SV2C: variants seen among roughly 807,000 people sequenced by gnomAD.
SV2C encodes synaptic vesicle glycoprotein 2C, also known as solute carrier family 22 member B3.
A neutral mutation model predicts 79.7 loss-of-function variants in SV2C; 49 were observed. That is an observed-to-expected ratio of 0.61 (90% CI 0.49 to 0.78). SV2C has a LOEUF of 0.78. Ranked by LOEUF, SV2C falls within the 30% of genes least tolerant of loss-of-function variation. The probability of loss-of-function intolerance (pLI) is 0.00; values close to 1 mark genes in which losing one functional copy is unlikely to be tolerated. For missense variants in SV2C, 833 were observed against 912.9 expected (o/e 0.91, Z 1.13); for synonymous variants, 334 against 333.2 (o/e 1.00, Z -0.03).
chr5:75,910,871 G>A, the SV2C span: 1 of 1,071,934 alleles, frequency 9.3e-7, no homozygotes, highest in East Asian at 2.4e-5. Flanking sequence ...CAATCTCTAT[G>A]AGATGATGAG....
intron 4 of SV2C, among the ~76,000 whole-genome samples, chr5:76,283,693 A>G (rs6453213): frequency 0.13 from 19,292 of 152,216 alleles, 1,502 homozygotes; most frequent in African/African-American, 0.22. Flanking sequence ...GGTAATATAC[A>G]CTATCTTCAT....
At chr5:76,079,609 A>C (rs563802646), upstream of SV2C, 15 of 341,826 alleles carry the variant, frequency 4.4e-5, no homozygotes, top group South Asian at 4.8e-4. Flanking sequence ...AATATTTTAC[A>C]CAGGCAAACT....
the SV2C span, among the ~76,000 whole-genome samples, chr5:75,874,667 G>A: frequency 6.6e-5 from 10 of 151,672 alleles, no homozygotes; most frequent in East Asian, 1.9e-4. Flanking sequence ...CCATAGTCTC[G>A]GCCCAAAAAA....
intron 4 of SV2C, among the ~76,000 whole-genome samples, chr5:76,248,678 G>A (rs1377965401): frequency 6.6e-6 from 1 of 151,608 alleles, no homozygotes; most frequent in East Asian, 1.9e-4. Context: ...GAGTGCAGTG[G>A]TGCGATCTTG....
At chr5:75,913,498 G>T in the SV2C span, among the ~76,000 whole-genome samples, 1 of 152,204 alleles carries the variant, frequency 6.6e-6, no homozygotes, top group African/African-American at 2.4e-5. Flanking sequence ...AAGGGTTAGG[G>T]ATTAGGTAGA....
chr5:75,870,766 A>G, the SV2C span, among the ~76,000 whole-genome samples: 4 of 151,584 alleles, frequency 2.6e-5, no homozygotes, highest in Non-Finnish European at 5.9e-5. Flanking sequence ...TTAAAAGCAT[A>G]AAGAGAACGG....
the SV2C span, among the ~76,000 whole-genome samples, chr5:76,011,074 C>A: frequency 6.6e-6 from 1 of 151,988 alleles, no homozygotes; most frequent in Non-Finnish European, 1.5e-5. Flanking sequence ...GAGTGGACAG[C>A]GCATTGTTAG....
chr5:76,147,318 C>CTT (rs77345625), intron 2 of SV2C, among the ~76,000 whole-genome samples: 60,377 of 151,878 alleles, frequency 0.4, 12,711 homozygotes, highest in Middle Eastern at 0.5. Flanking sequence ...AGGGCTCACT[C>CTT]TTCCTGTGTT....
chr5:76,236,872 G>A (rs1257511129), intron 4 of SV2C, among the ~76,000 whole-genome samples: 1 of 152,174 alleles, frequency 6.6e-6, no homozygotes, highest in African/African-American at 2.4e-5. Flanking sequence ...TCAAAGGCGG[G>A]AACAGGTGGA....
At chr5:76,238,027 T>TACACACACACACACACACAC (rs796926428) in intron 4 of SV2C, among the ~76,000 whole-genome samples, 1 of 122,916 alleles carries the variant, frequency 8.1e-6, no homozygotes, top group Non-Finnish European at 1.9e-5. Flanking sequence ...CAATCACACA[T>TACACACACACACACACACAC]ACACACACAC....
chr5:76,037,848 T>C, the SV2C span, among the ~76,000 whole-genome samples: 1 of 152,226 alleles, frequency 6.6e-6, no homozygotes, highest in African/African-American at 2.4e-5. Flanking sequence ...CCAGCCTCGT[T>C]GCCGCCTTGC....
At chr5:76,123,467 A>C (rs946857901) in intron 1 of SV2C, among the ~76,000 whole-genome samples, 1 of 152,200 alleles carries the variant, frequency 6.6e-6, no homozygotes, top group Non-Finnish European at 1.5e-5. Flanking sequence ...ACATTGATGC[A>C]AAAATCCTCA....
chr5:76,000,360 T>C, the SV2C span, among the ~76,000 whole-genome samples: 1 of 152,118 alleles, frequency 6.6e-6, no homozygotes, highest in East Asian at 1.9e-4. Context: ...CACACACCTG[T>C]TATTCCTACC....
At chr5:75,984,891 G>T in the SV2C span, among the ~76,000 whole-genome samples, 1 of 151,938 alleles carries the variant, frequency 6.6e-6, no homozygotes, top group Non-Finnish European at 1.5e-5. Context: ...AATCTCCTTT[G>T]CTTACACTGA....
intron 2 of SV2C, among the ~76,000 whole-genome samples, chr5:76,150,011 T>C (rs931808452): frequency 6.6e-6 from 1 of 152,168 alleles, no homozygotes; most frequent in Admixed American, 6.5e-5. Context: ...AGATCAGAAA[T>C]ATTTAAGGTA....
At chr5:76,058,521 A>G in the SV2C span, among the ~76,000 whole-genome samples, 3 of 152,136 alleles carry the variant, frequency 2.0e-5, no homozygotes, top group African/African-American at 7.2e-5. Flanking sequence ...TATGGAACTT[A>G]GAGTGAAGAG....
At chr5:75,887,568 C>T in the SV2C span, among the ~76,000 whole-genome samples, 4 of 152,098 alleles carry the variant, frequency 2.6e-5, no homozygotes, top group African/African-American at 2.4e-5. Context: ...TATCTTCCAT[C>T]GTCTGGAATG....
the SV2C span, among the ~76,000 whole-genome samples, chr5:75,879,081 G>A: frequency 2.0e-5 from 3 of 152,116 alleles, no homozygotes; most frequent in Admixed American, 6.6e-5. Context: ...CATCGCCAAG[G>A]GTATGGCGCT....
intron 4 of SV2C, among the ~76,000 whole-genome samples, chr5:76,231,447 T>C (rs1745417112): frequency 6.6e-6 from 1 of 152,008 alleles, no homozygotes; most frequent in Admixed American, 6.5e-5. Flanking sequence ...TTTATTTTTT[T>C]TTATTATACT....
Sources: gnomAD v4.1 joint callset for allele counts (sites outside exome capture counted in the v4.1 genomes callset) on GRCh38, gnomAD v4.1.1 for gene constraint, MANE v1.5 for transcripts, NCBI Gene and HGNC (gene_info 2026-07-23, HGNC 2026-07-21) for gene names.